The following CREBBP variants were observed in gnomAD, a reference collection of about 807,000 sequenced individuals.
CREBBP encodes the protein CREB-binding protein.
CREBBP carries 19 observed loss-of-function variants against 265.0 expected under a neutral mutation model. The ratio of observed to expected loss-of-function variants is 0.07; its 90% CI spans 0.05 to 0.11. The LOEUF (loss-of-function observed/expected upper bound fraction) is 0.11, where lower values mean the gene tolerates loss of function less well. Among genes scored for constraint, CREBBP ranks in the 10% least tolerant of loss-of-function variants. The pLI is 1.00. For missense variants in CREBBP, 2,525 were observed against 3,219.0 expected (o/e 0.78, Z 5.22); for synonymous variants, 1,457 against 1,223.7 (o/e 1.19, Z -3.98).
intron 2 of CREBBP, among the ~76,000 whole-genome samples, chr16:3,830,811 C>T (rs1350418765): frequency 6.6e-6 from 1 of 152,120 alleles, no homozygotes; most frequent in East Asian, 1.9e-4. Flanking sequence ...GAGACAGAGT[C>T]TTGCTCCGTA....
intron 19 of CREBBP, among the ~76,000 whole-genome samples, chr16:3,756,777 C>T (rs1341832043): frequency 6.6e-6 from 1 of 152,112 alleles, no homozygotes; most frequent in Non-Finnish European, 1.5e-5. Flanking sequence ...ATAGTAAAAT[C>T]CACATTTTCT....
intron 1 of CREBBP, among the ~76,000 whole-genome samples, chr16:3,855,719 A>G (rs1227415782): frequency 2.0e-5 from 3 of 152,206 alleles, no homozygotes; most frequent in Non-Finnish European, 2.9e-5. Context: ...CAGGGCCTGT[A>G]CCTGGTGAAA....
At chr16:3,736,963 G>C in intron 26 of CREBBP, 148 bp from the exon 27 acceptor site, 3 of 993,458 alleles carry the variant, frequency 3.0e-6, no homozygotes, top group South Asian at 2.8e-5. Flanking sequence ...GGTGTGGTGG[G>C]GGCAAGGCTC....
At chr16:3,877,884 AGC>A (rs2055436504) in intron 1 of CREBBP, among the ~76,000 whole-genome samples, 1 of 152,232 alleles carries the variant, frequency 6.6e-6, no homozygotes, top group Non-Finnish European at 1.5e-5. Flanking sequence ...CCCACGAAAG[AGC>A]CCCTGTGCCT....
In CREBBP at chr16:3,794,529, G is replaced by T. The variant is rs1305049377; in HGVS notation, c.976-903C>A. Among the ~76,000 whole-genome samples, 14 of 152,098 alleles carry T rather than the reference G, an allele frequency of 9.2e-5. 1 individual carries two copies. The highest frequency in any genetic ancestry group is 2.9e-5 in the Non-Finnish European group (2 of 68,030). On this transcript the variant is annotated intron_variant, in intron 3 of 30. Coordinates refer to ENST00000262367, the MANE Select transcript of CREBBP (RefSeq NM_004380.3). ...TCTCCTAAAAGAATAATGACAGTTAGCCTTAATACAACCACCCAGTGCAAT... is the reference window on the plus strand; with the variant it reads ...TCTCCTAAAAGAATAATGACAGTTATCCTTAATACAACCACCCAGTGCAAT...
At chr16:3,845,886 C>CAAAA (rs58655991) in intron 2 of CREBBP, among the ~76,000 whole-genome samples, 84 of 73,510 alleles carry the variant, frequency 1.1e-3, no homozygotes, top group African/African-American at 2.3e-3. Flanking sequence ...GACCCTATCT[C>CAAAA]AAAAAAAAAA....
In CREBBP at chr16:3,820,844, C is replaced by T. The variant is rs149190040; in HGVS notation, c.799-10065G>A. ...CACTGTGTACACACACACACAGCCA[C>T]GACCAGAATGTGACTTAGAAGAAGA... On this transcript the variant is annotated intron_variant, in intron 2 of 30. Transcript: ENST00000262367. Among the ~76,000 whole-genome samples, 21 of 152,262 alleles carry T rather than the reference C, an allele frequency of 1.4e-4. No homozygotes were observed. In the East Asian group the frequency reaches 2.5e-3, roughly 18 times the overall value.
At chr16:3,764,900 G>A (rs1596871825) in intron 16 of CREBBP, among the ~76,000 whole-genome samples, 1 of 152,074 alleles carries the variant, frequency 6.6e-6, no homozygotes, top group East Asian at 1.9e-4. Flanking sequence ...TATTCTTGAT[G>A]AGATAGTAAA....
At chr16:3,740,349 G>A (rs1243915666) in intron 24 of CREBBP, 50 bp downstream of exon 24, 1 of 1,609,172 alleles carries the variant, frequency 6.2e-7, no homozygotes, top group Non-Finnish European at 8.5e-7. Context: ...GCTCTGGCAA[G>A]CGGGCGTGGG....
chr16:3,750,184 G>C (rs2052441688), intron 20 of CREBBP, among the ~76,000 whole-genome samples: 1 of 152,094 alleles, frequency 6.6e-6, no homozygotes, highest in South Asian at 2.1e-4. Flanking sequence ...TTAATTTTTT[G>C]TAGAGATGGG....
chr16:3,753,371 GCATGCA>G (rs1444849009), intron 19 of CREBBP, among the ~76,000 whole-genome samples: 2 of 152,190 alleles, frequency 1.3e-5, no homozygotes, highest in East Asian at 3.8e-4. Context: ...CAACTTCAGT[GCATGCA>G]CATCTCAAGA....
chr16:3,804,960 A>G (rs1161358356), intron 3 of CREBBP, among the ~76,000 whole-genome samples: 4 of 152,242 alleles, frequency 2.6e-5, no homozygotes, highest in African/African-American at 9.6e-5. Flanking sequence ...GAGGCCTTGT[A>G]ATATGTGGGG....
intron 1 of CREBBP, among the ~76,000 whole-genome samples, chr16:3,868,005 T>C (rs557083760): frequency 2.6e-5 from 4 of 152,106 alleles, no homozygotes; most frequent in African/African-American, 7.2e-5. Context: ...CTCTGAGATA[T>C]GTATCAGTCT....
intron 3 of CREBBP, 34 bp from the exon 4 acceptor site, chr16:3,793,660 C>G (rs776778549): frequency 1.2e-6 from 2 of 1,605,506 alleles, no homozygotes; most frequent in Non-Finnish European, 1.7e-6. Context: ...AATACTTTAA[C>G]CTCTCAGAGT....
intron 19 of CREBBP, among the ~76,000 whole-genome samples, chr16:3,755,489 T>C (rs1181406590): frequency 1.3e-5 from 2 of 152,216 alleles, no homozygotes; most frequent in African/African-American, 2.4e-5. Context: ...AAATGGTTTT[T>C]AAAGTGCATT....
At chr16:3,791,703 A>C (rs369745321) in intron 5 of CREBBP, among the ~76,000 whole-genome samples, 3 of 152,098 alleles carry the variant, frequency 2.0e-5, no homozygotes, top group East Asian at 3.9e-4. Context: ...GAACAAAGTG[A>C]CTCTGCTGTT....
intron 2 of CREBBP, among the ~76,000 whole-genome samples, chr16:3,829,817 T>C (rs982093544): frequency 9.2e-5 from 14 of 152,028 alleles, no homozygotes; most frequent in Admixed American, 9.2e-4. Context: ...ATGTGACCCA[T>C]AACCAGGAAT....
intron 2 of CREBBP, among the ~76,000 whole-genome samples, chr16:3,817,542 C>T (rs568632795): frequency 8.9e-4 from 136 of 152,158 alleles, no homozygotes; most frequent in Non-Finnish European, 2.6e-4. Flanking sequence ...AAATGGAAAT[C>T]CAAAAACTAA....
At chr16:3,765,897 G>A (rs1361811650) in intron 16 of CREBBP, among the ~76,000 whole-genome samples, 1 of 152,082 alleles carries the variant, frequency 6.6e-6, no homozygotes, top group Non-Finnish European at 1.5e-5. Context: ...GTGCAGTGGT[G>A]CAATCATAGA....
Sources: allele counts gnomAD v4.1 joint callset (sites outside exome capture counted in the v4.1 genomes callset), GRCh38; gene constraint gnomAD v4.1.1; transcripts MANE v1.5; gene names NCBI Gene and HGNC (gene_info 2026-07-23, HGNC 2026-07-21).